SUGCT: variants seen among roughly 807,000 people sequenced by gnomAD.
The protein encoded by SUGCT is succinyl-CoA:glutarate-CoA transferase, also known as succinyl-CoA:glutarate CoA-transferase.
In SUGCT, 41 loss-of-function variants were observed where a neutral mutation model predicts 55.0. The observed-to-expected ratio is 0.74, with a 90% CI of 0.58 to 0.97. The LOEUF is 0.97. SUGCT is among the 50% of genes least tolerant of loss of function. SUGCT has a pLI of 0.00. For missense variants in SUGCT, 568 were observed against 547.8 expected (o/e 1.04, Z -0.37); for synonymous variants, 187 against 200.4 (o/e 0.93, Z 0.56).
At chr7:40,531,259 GA>G (rs1173005875) in intron 12 of SUGCT, among the ~76,000 whole-genome samples, 2 of 152,288 alleles carry the variant, frequency 1.3e-5, no homozygotes, top group Non-Finnish European at 2.9e-5. Context: ...CTAAACCTCA[GA>G]AGAGCTCTGT....
intron 12 of SUGCT, among the ~76,000 whole-genome samples, chr7:40,671,944 A>G (rs531973344): frequency 2.6e-5 from 4 of 152,318 alleles, no homozygotes; most frequent in South Asian, 4.1e-4. Flanking sequence ...GACTTATTTT[A>G]TAGCTACAGT....
intron 13 of SUGCT, among the ~76,000 whole-genome samples, chr7:40,809,198 C>T (rs1445710138): frequency 6.6e-6 from 1 of 152,156 alleles, no homozygotes; most frequent in Non-Finnish European, 1.5e-5. Context: ...ATGAAGATTA[C>T]ATAAAATAAT....
the SUGCT span, among the ~76,000 whole-genome samples, chr7:41,008,300 C>T: frequency 5.9e-5 from 9 of 152,172 alleles, 1 homozygote; most frequent in Admixed American, 3.3e-4. Context: ...CGCTCCTGAA[C>T]GCAGCCTTGT....
chr7:40,584,839 T>C (rs1425356456), intron 12 of SUGCT, among the ~76,000 whole-genome samples: 2 of 152,196 alleles, frequency 1.3e-5, no homozygotes, highest in Non-Finnish European at 2.9e-5. Flanking sequence ...GGAGTGATAG[T>C]AATGACTCTG....
intron 12 of SUGCT, 147 bp downstream of exon 12, chr7:40,496,533 A>T (rs964308769): frequency 1.5e-6 from 1 of 652,168 alleles, no homozygotes; most frequent in Non-Finnish European, 2.7e-6. Context: ...AGATAAAAAG[A>T]ACCAGAACTT....
chr7:40,941,021 C>T, the SUGCT span, among the ~76,000 whole-genome samples: 2 of 151,762 alleles, frequency 1.3e-5, no homozygotes, highest in African/African-American at 4.8e-5. Context: ...TCATATATTG[C>T]TTTTGATATT....
At chr7:40,156,877 G>A (rs892666209) in intron 1 of SUGCT, among the ~76,000 whole-genome samples, 4 of 151,972 alleles carry the variant, frequency 2.6e-5, no homozygotes, top group African/African-American at 7.3e-5. Flanking sequence ...TTAGCCGGGC[G>A]TGTTGGCACA....
intron 9 of SUGCT, among the ~76,000 whole-genome samples, chr7:40,344,891 T>C (rs1438614214): frequency 6.6e-6 from 1 of 152,222 alleles, no homozygotes; most frequent in Non-Finnish European, 1.5e-5. Context: ...TAAAAAAATG[T>C]AACGTTTTTG....
intron 12 of SUGCT, among the ~76,000 whole-genome samples, chr7:40,622,857 G>GTTC (rs1799338932): frequency 6.6e-6 from 1 of 152,066 alleles, no homozygotes; most frequent in African/African-American, 2.4e-5. Flanking sequence ...TTCTGAGCCT[G>GTTC]TGATACCATG....
intron 7 of SUGCT, among the ~76,000 whole-genome samples, chr7:40,256,639 C>T (rs1468184336): frequency 3.9e-5 from 6 of 152,128 alleles, no homozygotes. Flanking sequence ...AATGAGGATT[C>T]TCAATGGTCA....
At chr7:40,246,251 C>CTTTTT (rs11387100) in intron 7 of SUGCT, among the ~76,000 whole-genome samples, 1 of 147,230 alleles carries the variant, frequency 6.8e-6, no homozygotes. Context: ...ATAGCATGTT[C>CTTTTT]TTTTTTTTTT....
At chr7:40,855,310 T>A (rs1438906911) in intron 13 of SUGCT, among the ~76,000 whole-genome samples, 1 of 151,846 alleles carries the variant, frequency 6.6e-6, no homozygotes, top group Non-Finnish European at 1.5e-5. Flanking sequence ...AAATTTATCC[T>A]CTTCTACTCT....
chr7:40,479,866 A>G (rs1033019858), intron 11 of SUGCT, among the ~76,000 whole-genome samples: 1 of 151,954 alleles, frequency 6.6e-6, no homozygotes, highest in African/African-American at 2.4e-5. Context: ...ACATTGGGTT[A>G]TTTATTTATA....
chr7:40,249,321 A>ATATATATCTATCTATATATATCTATC (rs1562612028), intron 7 of SUGCT, among the ~76,000 whole-genome samples: 2 of 109,466 alleles, frequency 1.8e-5, no homozygotes, highest in Non-Finnish European at 3.7e-5. Context: ...AGCTATATAT[A>ATATATATCTATCTATATATATCTATC]TATATATATA....
At chr7:40,986,436 C>A in the SUGCT span, among the ~76,000 whole-genome samples, 1 of 152,172 alleles carries the variant, frequency 6.6e-6, no homozygotes, top group Non-Finnish European at 1.5e-5. Flanking sequence ...CTCCACTCAT[C>A]ACCATGGTTT....
chr7:40,889,643 T>C, the SUGCT span, among the ~76,000 whole-genome samples: 1 of 152,148 alleles, frequency 6.6e-6, no homozygotes, highest in African/African-American at 2.4e-5. Context: ...TGTGGACACA[T>C]AACAAATTAT....
chr7:40,227,377 T>C (rs556579105), intron 6 of SUGCT, among the ~76,000 whole-genome samples: 1 of 151,856 alleles, frequency 6.6e-6, no homozygotes, highest in Non-Finnish European at 1.5e-5. Flanking sequence ...GATCTTAAGA[T>C]CCCAGCCCAA....
intron 12 of SUGCT, among the ~76,000 whole-genome samples, chr7:40,619,464 A>T (rs1456112559): frequency 6.6e-6 from 1 of 152,162 alleles, no homozygotes; most frequent in Non-Finnish European, 1.5e-5. Flanking sequence ...TAGAGTACTC[A>T]CAGTTTTTAT....
chr7:40,763,152 T>A (rs1788618335), intron 13 of SUGCT, among the ~76,000 whole-genome samples: 1 of 152,206 alleles, frequency 6.6e-6, no homozygotes, highest in African/African-American at 2.4e-5. Context: ...TTATACTGTA[T>A]GTGGAGCTAC....
Sources: allele counts gnomAD v4.1 joint callset (sites outside exome capture counted in the v4.1 genomes callset), GRCh38; gene constraint gnomAD v4.1.1; transcripts MANE v1.5; gene names NCBI Gene and HGNC (gene_info 2026-07-23, HGNC 2026-07-21).